STK32A: variants seen among roughly 807,000 people sequenced by gnomAD.
STK32A encodes the protein serine/threonine-protein kinase 32A.
In STK32A, 41 loss-of-function variants were observed where a neutral mutation model predicts 53.2. That is an observed-to-expected ratio of 0.77 (90% CI 0.60 to 1.00). STK32A has a LOEUF of 1.00. Among genes scored for constraint, STK32A ranks in the 50% least tolerant of loss-of-function variants. STK32A has a pLI of 0.00. For missense variants in STK32A, 458 were observed against 485.8 expected (o/e 0.94, Z 0.54); for synonymous variants, 166 against 162.8 (o/e 1.02, Z -0.15).
At chr5:147,326,442 G>A (rs1754592444) in intron 5 of STK32A, among the ~76,000 whole-genome samples, 1 of 152,086 alleles carries the variant, frequency 6.6e-6, no homozygotes, top group African/African-American at 2.4e-5. Context: ...TAACCTCTAT[G>A]CACCTCTCCC....
At chr5:147,335,868 G>A (rs1018564120) in intron 5 of STK32A, among the ~76,000 whole-genome samples, 2 of 152,232 alleles carry the variant, frequency 1.3e-5, no homozygotes, top group African/African-American at 4.8e-5. Flanking sequence ...TTACAGAGAA[G>A]TGAAAATACC....
At chr5:147,364,231 A>AG (rs1317513487) in intron 8 of STK32A, among the ~76,000 whole-genome samples, 1 of 151,758 alleles carries the variant, frequency 6.6e-6, no homozygotes, top group Admixed American at 6.6e-5. Context: ...AAAAAAAAAA[A>AG]AAAAGAAATC....
intron 9 of STK32A, among the ~76,000 whole-genome samples, chr5:147,371,723 G>C (rs973971603): frequency 2.0e-5 from 3 of 152,146 alleles, no homozygotes; most frequent in African/African-American, 7.2e-5. Context: ...TATTGAAGAG[G>C]GTCCAAGCTT....
intron 2 of STK32A, among the ~76,000 whole-genome samples, chr5:147,259,793 TTC>T (rs989839016): frequency 1.1e-4 from 16 of 150,978 alleles, no homozygotes; most frequent in Non-Finnish European, 1.8e-4. Context: ...TGTCTCTCTC[TTC>T]TCTGTCTCTG....
intron 7 of STK32A, among the ~76,000 whole-genome samples, chr5:147,357,474 A>G (rs1241603842): frequency 6.6e-6 from 1 of 152,088 alleles, no homozygotes; most frequent in African/African-American, 2.4e-5. Flanking sequence ...TTATATAAAT[A>G]ATTCTTGCCT....
Position 147,370,751 on chromosome 5 carries a change from TG to T in STK32A, c.760del (p.Val254CysfsTer28). The T allele has an allele frequency of 6.2e-7, 1 of 1,610,920 alleles. No individual in the cohort carries two copies. The highest frequency in any genetic ancestry group is 8.5e-7 in the Non-Finnish European group (1 of 1,177,414). On this transcript the variant is annotated frameshift_variant, in exon 9 of 13. Coordinates refer to ENST00000397936, the MANE Select transcript of STK32A (RefSeq NM_001112724.2). LOFTEE classifies it high-confidence loss of function. ...VTYPSAWSQE[M>X]VSLLKKLLEP... ...TACCCTTCTGCCTGGTCACAGGAAATGGTGTCACTTCTTAAAAAGGTAAGAA... is the reference window on the plus strand; with the variant it reads ...TACCCTTCTGCCTGGTCACAGGAAATGTGTCACTTCTTAAAAAGGTAAGAA...
At chr5:147,350,138 A>G (rs997382249) in intron 6 of STK32A, among the ~76,000 whole-genome samples, 7 of 151,182 alleles carry the variant, frequency 4.6e-5, no homozygotes, top group South Asian at 2.1e-4. Context: ...TAAATTTAAA[A>G]AAAACCTAAA....
At chr5:147,253,034 C>A (rs1754066009) in intron 2 of STK32A, among the ~76,000 whole-genome samples, 1 of 152,116 alleles carries the variant, frequency 6.6e-6, no homozygotes, top group Non-Finnish European at 1.5e-5. Context: ...TAGTTTACGT[C>A]AATTCCTTGA....
chr5:147,279,650 C>T (rs1481894590), intron 4 of STK32A, among the ~76,000 whole-genome samples: 2 of 152,152 alleles, frequency 1.3e-5, no homozygotes, highest in Non-Finnish European at 2.9e-5. Context: ...GGGTTTGAGG[C>T]TGCTGCCATA....
At chr5:147,366,884 T>C (rs972479914) in intron 8 of STK32A, among the ~76,000 whole-genome samples, 14 of 152,234 alleles carry the variant, frequency 9.2e-5, no homozygotes, top group African/African-American at 3.4e-4. Flanking sequence ...CCTTTTTTTT[T>C]TTCATTTCAT....
rs73262211 is a variant in STK32A, at chr5:147,330,876, C to T, written c.434+6805C>T. 1.3e-3 allele frequency among the ~76,000 whole-genome samples: 195 copies of T among 152,252 alleles called. 1 individual carries two copies. The highest frequency in any genetic ancestry group is 4.5e-3 in the African/African-American group (187 of 41,542). On this transcript the variant is annotated intron_variant, in intron 5 of 12. Coordinates refer to ENST00000397936, the MANE Select transcript of STK32A (RefSeq NM_001112724.2). ...ACCAATCAAGGTCCTGTTTGCAATT[C>T]GGTTGTGGGTCAAAATTATGTTTGT...
At chr5:147,375,028 T>C in intron 10 of STK32A, 62 bp from the exon 11 acceptor site, 1 of 1,481,482 alleles carries the variant, frequency 6.7e-7, no homozygotes, top group Non-Finnish European at 9.1e-7. Flanking sequence ...CCGTATTAGG[T>C]CTGCTGTGTT....
At chr5:147,252,064 A>G (rs1483878960) in intron 2 of STK32A, among the ~76,000 whole-genome samples, 2 of 151,802 alleles carry the variant, frequency 1.3e-5, no homozygotes, top group Non-Finnish European at 2.9e-5. Flanking sequence ...TTAGTTGGGT[A>G]TGGTGGCAGG....
intron 2 of STK32A, among the ~76,000 whole-genome samples, chr5:147,251,002 T>C (rs1392685375): frequency 6.6e-6 from 1 of 151,260 alleles, no homozygotes; most frequent in Non-Finnish European, 1.5e-5. Context: ...TCAAGAAGTT[T>C]GGTCTAAAAG....
In STK32A at chr5:147,284,666, C is replaced by CA. The variant is rs71001429; in HGVS notation, c.260+5277dup. Among the ~76,000 whole-genome samples, 1,170 of 140,906 alleles carry CA rather than the reference C, an allele frequency of 8.3e-3. 18 individuals carry two copies. The highest frequency in any genetic ancestry group is 0.028 in the African/African-American group (1,075 of 38,318). The allele number at this position is 140,906 out of a possible 152,430, so 92.4% of individuals were successfully genotyped here. On this transcript the variant is annotated intron_variant, in intron 4 of 12. Coordinates refer to ENST00000397936, the MANE Select transcript of STK32A (RefSeq NM_001112724.2). ...AACTCAATCCCTTTTACAATAGCTG[C>CA]AAAAAAAAACAAAACAAAACAAGAC...
chr5:147,266,542 C>G (rs1360019506), intron 2 of STK32A, among the ~76,000 whole-genome samples: 2 of 152,152 alleles, frequency 1.3e-5, no homozygotes, highest in East Asian at 3.9e-4. Flanking sequence ...GATGATACCT[C>G]ATTCCTTTGT....
chr5:147,332,076 G>A (rs1254021116), intron 5 of STK32A, among the ~76,000 whole-genome samples: 1 of 152,182 alleles, frequency 6.6e-6, no homozygotes, highest in Non-Finnish European at 1.5e-5. Flanking sequence ...TTTCTTTGCT[G>A]CTAATTTTTT....
intron 4 of STK32A, among the ~76,000 whole-genome samples, chr5:147,318,465 C>T (rs893863636): frequency 3.3e-5 from 5 of 151,752 alleles, no homozygotes; most frequent in African/African-American, 1.2e-4. Context: ...AAGTTTCTTG[C>T]AATGAAATTA....
rs191508554 is a variant in STK32A at position 147,292,108 on chromosome 5, G to A, written c.260+12710G>A. On this transcript the variant is annotated intron_variant, in intron 4 of 12. Coordinates refer to ENST00000397936, the MANE Select transcript of STK32A (RefSeq NM_001112724.2). Reference sequence around the variant, plus strand: ...ATTGAGGTTTCTAGGCCTGTCAAATGATGACATTCTTTACTTACTGCAAGG... The same window carrying A: ...ATTGAGGTTTCTAGGCCTGTCAAATAATGACATTCTTTACTTACTGCAAGG... Among the ~76,000 whole-genome samples the A allele has an allele frequency of 2.0e-5, 3 of 152,202 alleles. No homozygotes were observed. In the East Asian group the frequency reaches 5.9e-4, roughly 30 times the overall value.
Sources: gnomAD v4.1 joint callset for allele counts (sites outside exome capture counted in the v4.1 genomes callset) on GRCh38, gnomAD v4.1.1 for gene constraint, MANE v1.5 for transcripts, NCBI Gene and HGNC (gene_info 2026-07-23, HGNC 2026-07-21) for gene names.